TPRKB: variants seen among roughly 807,000 people sequenced by gnomAD.
TPRKB encodes TP53RK binding protein, also known as EKC/KEOPS complex subunit TPRKB.
A neutral mutation model predicts 17.8 loss-of-function variants in TPRKB; 11 were observed. The ratio of observed to expected loss-of-function variants is 0.62; its 90% CI spans 0.39 to 1.02. The LOEUF (loss-of-function observed/expected upper bound fraction) is 1.02, where lower values mean the gene tolerates loss of function less well. TPRKB is among the 50% of genes least tolerant of loss of function. The pLI, the probability that TPRKB is intolerant of heterozygous loss-of-function variation, is 0.00. For missense variants in TPRKB, 228 were observed against 198.0 expected (o/e 1.15, Z -0.91); for synonymous variants, 71 against 69.5 (o/e 1.02, Z -0.11).
Position 73,730,544 on chromosome 2 carries a change from A to G in TPRKB, c.441+16T>C, listed in dbSNP as rs1454350995. On this transcript the variant is annotated intron_variant, in intron 4 of 4. Coordinates refer to ENST00000272424, the MANE Select transcript of TPRKB (RefSeq NM_016058.5). ...CTCATCTATCACACTCTTTCTAAAAATATGGACTGGCAAACCTTTTTGACT... is the reference window on the plus strand; with the variant it reads ...CTCATCTATCACACTCTTTCTAAAAGTATGGACTGGCAAACCTTTTTGACT... 4 of 1,558,114 alleles carry G rather than the reference A, an allele frequency of 2.6e-6. No homozygotes were observed. The South Asian group carries it at 3.6e-5, about 14-fold the overall frequency.
At chr2:73,735,525 G>C (rs1015740175) in intron 1 of TPRKB, among the ~76,000 whole-genome samples, 2 of 152,092 alleles carry the variant, frequency 1.3e-5, no homozygotes, top group African/African-American at 4.8e-5. Context: ...TTGACCCAAA[G>C]ATATTCATTC....
Position 73,730,540 on chromosome 2 carries a change from A to G in TPRKB, c.441+20T>C. On this transcript the variant is annotated intron_variant, in intron 4 of 4. Transcript: ENST00000272424. The stretch of plus-strand genomic sequence containing the variant: ...ATTGCTCATCTATCACACTCTTTCT[A>G]AAAATATGGACTGGCAAACCTTTTT... 3.2e-6 allele frequency: 5 copies of G among 1,546,410 alleles called. No homozygotes were observed. The highest frequency in any genetic ancestry group is 4.4e-6 in the Non-Finnish European group (5 of 1,147,212).
chr2:73,733,814 CTTTTT>C (rs755122123), intron 2 of TPRKB, among the ~76,000 whole-genome samples: 5 of 114,026 alleles, frequency 4.4e-5, no homozygotes, highest in African/African-American at 1.9e-4. Flanking sequence ...CTCATTCATT[CTTTTT>C]TTTTTTTTTT....
intron 4 of TPRKB, 30 bp from the exon 5 acceptor site, chr2:73,730,059 G>A (rs777285566): frequency 2.0e-6 from 3 of 1,524,952 alleles, no homozygotes; most frequent in Non-Finnish European, 8.8e-7. Flanking sequence ...ATTATGACTT[G>A]CTGATATCGT....
rs757096321 is a variant in TPRKB, at chr2:73,730,787, C to A, written c.265-51G>T. The A allele has an allele frequency of 5.3e-6, 7 of 1,322,804 alleles. No homozygotes were observed. The South Asian group carries it at 7.8e-5, about 15-fold the overall frequency. The allele number at this position is 1,322,804 out of a possible 1,614,324, so 81.9% of individuals were successfully genotyped here. ...AACACAAGATCATTAACCATTGTTTCCTACGTCTGAAACATTTCCTGATCT... is the reference window on the plus strand; with the variant it reads ...AACACAAGATCATTAACCATTGTTTACTACGTCTGAAACATTTCCTGATCT... On this transcript the variant is annotated intron_variant, in intron 3 of 4. Coordinates refer to ENST00000272424, the MANE Select transcript of TPRKB (RefSeq NM_016058.5).
intron 1 of TPRKB, among the ~76,000 whole-genome samples, chr2:73,736,997 T>C (rs1671915550): frequency 6.6e-6 from 1 of 152,062 alleles, no homozygotes; most frequent in East Asian, 1.9e-4. Flanking sequence ...TCAACTCCAT[T>C]TGGAGTCCAT....
chr2:73,737,268 C>G (rs988269229), intron 1 of TPRKB, 34 bp downstream of exon 1: 1 of 152,260 alleles, frequency 6.6e-6, no homozygotes, highest in African/African-American at 2.4e-5. Context: ...CTCCCGCTCC[C>G]GAGCCTGCCC....
chr2:73,732,039 C>G, intron 3 of TPRKB, 124 bp downstream of exon 3: 1 of 1,092,680 alleles, frequency 9.2e-7, no homozygotes, highest in Non-Finnish European at 1.3e-6. Context: ...GTCCAGAGCT[C>G]TCTTCACTAT....
chr2:73,730,553 G>T lies in TPRKB; in HGVS notation c.441+7C>A. The stretch of plus-strand genomic sequence containing the variant: ...CACACTCTTTCTAAAAATATGGACT[G>T]GCAAACCTTTTTGACTTCTGTAATA... On this transcript the variant is annotated splice_region_variant and intron_variant, in intron 4 of 4. Transcript: ENST00000272424. 1 of 1,569,420 alleles carries T rather than the reference G, an allele frequency of 6.4e-7. No individual in the cohort carries two copies. The highest frequency in any genetic ancestry group is 1.2e-5 in the South Asian group (1 of 82,960).
At chr2:73,736,015 T>C (rs1364092404) in intron 1 of TPRKB, among the ~76,000 whole-genome samples, 1 of 152,148 alleles carries the variant, frequency 6.6e-6, no homozygotes, top group East Asian at 1.9e-4. Flanking sequence ...AGTAAAAACA[T>C]CTGAATGGAA....
intron 1 of TPRKB, among the ~76,000 whole-genome samples, chr2:73,735,853 C>A (rs1167261811): frequency 6.6e-6 from 1 of 152,066 alleles, no homozygotes; most frequent in African/African-American, 2.4e-5. Context: ...ATTAGGAATC[C>A]AATAATTATA....
At chr2:73,732,528 C>T (rs1406882388) in intron 2 of TPRKB, 16 of 411,364 alleles carry the variant, frequency 3.9e-5, no homozygotes, top group Non-Finnish European at 6.1e-5. Context: ...CTGGCCAACA[C>T]GGCGAAACCC....
chr2:73,737,157 T>TATCA (rs987920001), intron 1 of TPRKB, 145 bp downstream of exon 1: 2 of 149,760 alleles, frequency 1.3e-5, no homozygotes, highest in African/African-American at 5.1e-5. Flanking sequence ...AGCCTGACTC[T>TATCA]ATCATTCTCG....
intron 1 of TPRKB, among the ~76,000 whole-genome samples, chr2:73,736,105 T>A (rs1004641252): frequency 5.9e-5 from 9 of 152,130 alleles, no homozygotes; most frequent in African/African-American, 2.2e-4. Context: ...CACCAAAAAG[T>A]TAATGTTATC....
intron 1 of TPRKB, among the ~76,000 whole-genome samples, chr2:73,736,314 T>C (rs1050798040): frequency 3.3e-5 from 5 of 152,204 alleles, no homozygotes; most frequent in African/African-American, 1.2e-4. Flanking sequence ...CACTAAAATA[T>C]GACCATCTTG....
intron 3 of TPRKB, 134 bp downstream of exon 3, chr2:73,732,029 G>T (rs1671634287): frequency 2.0e-6 from 2 of 1,016,232 alleles, no homozygotes; most frequent in Non-Finnish European, 1.4e-6. Context: ...TCAACTCTCT[G>T]TCCAGAGCTC....
intron 1 of TPRKB, among the ~76,000 whole-genome samples, chr2:73,734,802 G>T (rs1195931698): frequency 6.6e-6 from 1 of 152,206 alleles, no homozygotes; most frequent in East Asian, 1.9e-4. Context: ...AAACGCCAAG[G>T]GGCCCAGCTG....
At chr2:73,735,643 A>G (rs934750644) in intron 1 of TPRKB, among the ~76,000 whole-genome samples, 3 of 152,250 alleles carry the variant, frequency 2.0e-5, no homozygotes. Context: ...ATATAAAGAC[A>G]TAAAAGAAAC....
intron 2 of TPRKB, among the ~76,000 whole-genome samples, chr2:73,733,231 C>CACT (rs528173980): frequency 3.3e-4 from 49 of 148,372 alleles, no homozygotes; most frequent in African/African-American, 1.2e-3. Context: ...AACATGATCG[C>CACT]ACTGCGTGTG....
Sources: allele counts gnomAD v4.1 joint callset (sites outside exome capture counted in the v4.1 genomes callset), GRCh38; gene constraint gnomAD v4.1.1; transcripts MANE v1.5; gene names NCBI Gene and HGNC (gene_info 2026-07-23, HGNC 2026-07-21).